The following RNF168 variants were observed in gnomAD, a reference collection of about 807,000 sequenced individuals.
RNF168 encodes ring finger protein 168, also known as E3 ubiquitin-protein ligase RNF168.
RNF168 carries 34 observed loss-of-function variants against 34.9 expected under a neutral mutation model. The observed-to-expected ratio is 0.97, with a 90% CI of 0.74 to 1.30. The LOEUF is 1.30. Ranked by LOEUF, RNF168 falls within the 50% of genes most tolerant of loss-of-function variation. RNF168 has a pLI of 0.00. For synonymous variants in RNF168, 264 were observed against 254.7 expected (o/e 1.04, Z -0.35); for missense variants, 725 against 682.5 (o/e 1.06, Z -0.69).
chr3:196,488,749 C>T, intron 1 of RNF168, 66 bp from the exon 2 acceptor site: 2 of 999,026 alleles, frequency 2.0e-6, no homozygotes, highest in Non-Finnish European at 3.2e-6. Flanking sequence ...TTTGGTCTTC[C>T]ATTAAAACGA....
chr3:196,487,267 TG>T, intron 3 of RNF168, 131 bp downstream of exon 3: 2 of 844,898 alleles, frequency 2.4e-6, no homozygotes, highest in South Asian at 1.3e-5. Flanking sequence ...CCAACCAGCC[TG>T]GGGTGGAAAA....
intron 4 of RNF168, among the ~76,000 whole-genome samples, chr3:196,477,607 C>T (rs574152995): frequency 7.9e-5 from 12 of 152,260 alleles, no homozygotes; most frequent in African/African-American, 1.7e-4. Flanking sequence ...AATGCTGATG[C>T]GGGACCACTA....
Position 196,472,301 on chromosome 3 carries a change from G to T in RNF168, c.1234C>A (p.Pro412Thr). ...CFSAKRRKVS[P>T]ESSPDQEETE... is the part of the protein sequence containing the mutation. ...TCCTCTTGATCTGGGGAAGATTCGG[G>T]GGACACTTTTCTTCTTTTTGCAGAA... Residue 412 changes from proline to threonine, a missense_variant, in exon 6 of 6, where the codon CCC (proline) becomes ACC (threonine). Transcript: ENST00000318037. 1 of 1,613,928 alleles carries T rather than the reference G, an allele frequency of 6.2e-7. No homozygotes were observed. The highest frequency in any genetic ancestry group is 8.5e-7 in the Non-Finnish European group (1 of 1,179,870).
At chr3:196,477,623 G>A (rs1275613250) in intron 4 of RNF168, among the ~76,000 whole-genome samples, 1 of 152,262 alleles carries the variant, frequency 6.6e-6, no homozygotes, top group East Asian at 1.9e-4. Context: ...CACTACTTAC[G>A]AAGCATACCA....
rs1331111977 is a variant in RNF168, at chr3:196,503,499, G to A, written c.-326C>T. 1 of 392,830 alleles carries A rather than the reference G, an allele frequency of 2.5e-6. No individual in the cohort carries two copies. The highest frequency in any genetic ancestry group is 4.8e-6 in the Non-Finnish European group (1 of 207,292). The allele number at this position is 392,830 out of a possible 1,614,324, so 24.3% of individuals were successfully genotyped here. A position where few individuals can be genotyped will look rare whatever the true frequency, so the allele number is the denominator to read the frequency against. ...GCGGCTGCGGCTCCCGGGGCAGCGA[G>A]GGGAACGCGCCAAGTCCTCTCCTCC... On this transcript the variant is annotated 5_prime_UTR_variant, in exon 1 of 6. Transcript: ENST00000318037.
At chr3:196,487,024 C>G (rs1010393502) in intron 3 of RNF168, among the ~76,000 whole-genome samples, 2 of 152,208 alleles carry the variant, frequency 1.3e-5, no homozygotes, top group African/African-American at 4.8e-5. Flanking sequence ...CACTGCACTC[C>G]AACCTGCATG....
At position 196,471,195 on chromosome 3, in the gene RNF168, CCAAAAAAAAAAAAAAA is replaced by C. The variant is rs1304274883; in HGVS notation, c.*608_*623del. The C allele has an allele frequency of 9.6e-4, 19 of 19,836 alleles. No homozygotes were observed. The highest frequency in any genetic ancestry group is 1.7e-3 in the African/African-American group (18 of 10,464). The allele number at this position is 19,836 out of a possible 1,614,324, so 1.2% of individuals were successfully genotyped here. A position where few individuals can be genotyped will look rare whatever the true frequency, so the allele number is the denominator to read the frequency against. On this transcript the variant is annotated 3_prime_UTR_variant, in exon 6 of 6. Transcript: ENST00000318037. Reference sequence around the variant, plus strand: ...TGCGTGACAGAGCAAGACTCTGTCTCCAAAAAAAAAAAAAAAAAAAAAAAAAAAAAAAAATCTGGGA... The same window carrying C: ...TGCGTGACAGAGCAAGACTCTGTCTCAAAAAAAAAAAAAAAAAATCTGGGA...
intron 4 of RNF168, among the ~76,000 whole-genome samples, chr3:196,479,239 C>T (rs1225727474): frequency 3.3e-5 from 5 of 151,540 alleles, no homozygotes; most frequent in African/African-American, 1.2e-4. Context: ...TCTTGAACTC[C>T]TGACCTCAGG....
At chr3:196,479,837 C>T (rs1732244945) in intron 4 of RNF168, among the ~76,000 whole-genome samples, 1 of 152,162 alleles carries the variant, frequency 6.6e-6, no homozygotes, top group Non-Finnish European at 1.5e-5. Flanking sequence ...AGTGATCTGC[C>T]TGCCTCACCC....
At chr3:196,498,866 G>A (rs1285127156) in intron 1 of RNF168, among the ~76,000 whole-genome samples, 1 of 151,756 alleles carries the variant, frequency 6.6e-6, no homozygotes. Context: ...ATGGTGGTGC[G>A]TGCCTGTAAT....
chr3:196,478,743 T>C (rs1039186283), intron 4 of RNF168, among the ~76,000 whole-genome samples: 6 of 151,840 alleles, frequency 4.0e-5, no homozygotes, highest in Non-Finnish European at 7.4e-5. Context: ...CTCTGCTCAC[T>C]GCAACCTCTG....
At position 196,503,266 on chromosome 3, in the gene RNF168, G is replaced by C; in HGVS notation, c.-93C>G. On this transcript the variant is annotated 5_prime_UTR_variant, in exon 1 of 6. Coordinates refer to ENST00000318037, the MANE Select transcript of RNF168 (RefSeq NM_152617.4). ...CCACAGAGAGAGCAAAAGCAGTTTT[G>C]TGTTTCAGTATTATGCCCAGAAGCG... 1 of 1,128,228 alleles carries C rather than the reference G, an allele frequency of 8.9e-7. No homozygotes were observed. The allele number at this position is 1,128,228 out of a possible 1,614,324, so 69.9% of individuals were successfully genotyped here.
At chr3:196,480,480 G>A (rs1028079333) in intron 4 of RNF168, among the ~76,000 whole-genome samples, 5 of 152,206 alleles carry the variant, frequency 3.3e-5, no homozygotes, top group African/African-American at 9.6e-5. Context: ...GATTCTGAGC[G>A]AGACTCCGTC....
At chr3:196,490,862 A>G (rs1360372512) in intron 1 of RNF168, among the ~76,000 whole-genome samples, 1 of 152,232 alleles carries the variant, frequency 6.6e-6, no homozygotes, top group Non-Finnish European at 1.5e-5. Context: ...TGGTATACAC[A>G]GGAGAGACAT....
intron 1 of RNF168, among the ~76,000 whole-genome samples, chr3:196,499,362 G>C (rs1732825756): frequency 6.6e-6 from 1 of 152,140 alleles, no homozygotes; most frequent in South Asian, 2.1e-4. Context: ...CAATGTACAT[G>C]TCCCTGCTCC....
At chr3:196,477,141 C>A (rs1228845473) in intron 4 of RNF168, among the ~76,000 whole-genome samples, 2 of 152,062 alleles carry the variant, frequency 1.3e-5, no homozygotes. Context: ...TATAAAAGAA[C>A]GGGGAATAGA....
Position 196,487,711 on chromosome 3 carries a change from T to C in RNF168, c.379-133A>G, listed in dbSNP as rs1168122922. ...TAAATGATCTCAAATGAAGTACAAA[T>C]CTGGAGAAGTAGATTCCTGCAAGAT... On this transcript the variant is annotated intron_variant, in intron 2 of 5. Transcript: ENST00000318037. The C allele has an allele frequency of 9.1e-6, 8 of 875,094 alleles. No homozygotes were observed. In the East Asian group the frequency reaches 1.6e-4, roughly 17 times the overall value. 54.2% of individuals were successfully genotyped at this position (875,094 alleles called of 1,614,324 possible). A position where few individuals can be genotyped will look rare whatever the true frequency, so the allele number is the denominator to read the frequency against.
In RNF168 at chr3:196,491,235, C is replaced by T. The variant is rs535813432; in HGVS notation, c.302-2552G>A. Among the ~76,000 whole-genome samples the T allele has an allele frequency of 1.4e-3, 217 of 152,284 alleles. 2 individuals are homozygous for T. Among genetic ancestry groups the T allele is most frequent in the African/African-American group, 4.8e-3 (200 of 41,548 alleles). ...GGCTGAGGCAGTAGAATAGCTTGAA[C>T]CCGGGAGGCGGAGGCTGCAGTGAGC... On this transcript the variant is annotated intron_variant, in intron 1 of 5. Transcript: ENST00000318037.
chr3:196,481,682 G>GT lies in RNF168; in HGVS notation c.680+2087dup, dbSNP rs34739638. ...TCTTTTTAAATACGTTTTCAGCTGC[G>GT]TTTTTTTTTTTTTTTTTTTTTTTTT... On this transcript the variant is annotated intron_variant, in intron 4 of 5. Transcript: ENST00000318037. 6.8e-3 allele frequency among the ~76,000 whole-genome samples: 426 copies of GT among 62,396 alleles called. 96 individuals are homozygous for GT. Among genetic ancestry groups the GT allele is most frequent in the East Asian group, 0.032 (59 of 1,862 alleles). 40.9% of individuals were successfully genotyped at this position (62,396 alleles called of 152,430 possible).
Sources: gnomAD v4.1 joint callset for allele counts (sites outside exome capture counted in the v4.1 genomes callset) on GRCh38, gnomAD v4.1.1 for gene constraint, MANE v1.5 for transcripts, NCBI Gene and HGNC (gene_info 2026-07-23, HGNC 2026-07-21) for gene names.